The following FBXO27 variants were observed in gnomAD, a reference collection of about 807,000 sequenced individuals.
FBXO27 encodes F-box protein 27, also known as F-box only protein 27.
A neutral mutation model predicts 28.3 loss-of-function variants in FBXO27; 28 were observed. The observed-to-expected ratio is 0.99, with a 90% CI of 0.73 to 1.36. The LOEUF (loss-of-function observed/expected upper bound fraction) is 1.36. Among genes scored for constraint, FBXO27 ranks in the 40% most tolerant of loss-of-function variants. FBXO27 has a pLI of 0.00. For synonymous variants in FBXO27, 175 were observed against 167.3 expected (o/e 1.05, Z -0.36); for missense variants, 388 against 394.1 (o/e 0.98, Z 0.13).
chr19:39,010,193 A>G (rs1398482429), intron 2 of FBXO27, among the ~76,000 whole-genome samples: 2 of 151,980 alleles, frequency 1.3e-5, no homozygotes, highest in African/African-American at 4.8e-5. Context: ...CTAAAAATCA[A>G]TTACCAAATC....
chr19:39,028,215 A>G (rs2072883677), intron 4 of FBXO27, among the ~76,000 whole-genome samples: 1 of 151,744 alleles, frequency 6.6e-6, no homozygotes, highest in Non-Finnish European at 1.5e-5. Flanking sequence ...TGGGCGATAG[A>G]GGGAGACCCT....
At position 39,031,084 on chromosome 19, in the gene FBXO27, C is replaced by T. The variant is rs759531862; in HGVS notation, c.517G>A (p.Gly173Ser). 13 of 1,613,994 alleles carry T rather than the reference C, an allele frequency of 8.1e-6. No individual in the cohort carries two copies. The highest frequency in any genetic ancestry group is 1.1e-5 in the South Asian group (1 of 91,082). The change falls in exon 4 of 6, where the codon GGT (glycine) becomes AGT (serine). Residue 173 changes from glycine to serine, a missense_variant. By Grantham distance (56) the Gly-to-Ser change is moderately conservative. Coordinates refer to ENST00000292853, the MANE Select transcript of FBXO27 (RefSeq NM_178820.5). ...KKQVLDLEEE[G>S]LWPELLDSGR... ...CTATCCAGCAGTTCTGGCCACAGAC[C>T]CTCCTCCTCTAGGTCCAAGACCTGC...
At chr19:39,031,771 CTAGT>C in intron 2 of FBXO27, 89 bp downstream of exon 2, 2 of 1,389,712 alleles carry the variant, frequency 1.4e-6, no homozygotes, top group Non-Finnish European at 1.9e-6. Context: ...CCTGCGGCCC[CTAGT>C]ACCGGTCCCA....
chr19:39,031,363 C>T (rs1234110130), intron 2 of FBXO27, 43 bp from the exon 3 acceptor site: 3 of 1,592,078 alleles, frequency 1.9e-6, no homozygotes, highest in Non-Finnish European at 2.6e-6. Context: ...CAGTCGCCCG[C>T]CTGTTGGTTC....
At chr19:39,016,778 G>A (rs974316481) in intron 1 of FBXO27, among the ~76,000 whole-genome samples, 2 of 148,718 alleles carry the variant, frequency 1.3e-5, no homozygotes, top group Non-Finnish European at 3.0e-5. Flanking sequence ...GAGTGAGAAC[G>A]TCTCAAAAAA....
In FBXO27 at chr19:39,031,993, C is replaced by A; in HGVS notation, c.235G>T (p.Gly79Cys). The A allele has an allele frequency of 6.6e-7, 1 of 1,516,476 alleles. No individual in the cohort carries two copies. The highest frequency in any genetic ancestry group is 2.2e-5 in the Admixed American group (1 of 45,066). 93.9% of individuals were successfully genotyped at this position (1,516,476 alleles called of 1,614,324 possible). A position where few individuals can be genotyped will look rare whatever the true frequency, so the allele number is the denominator to read the frequency against. ...LILARDHGAT[G>C]RALLHLARSC... ...CGGGCGAGGTGCAGCAGCGCGCGGCCGGTGGCGCCGTGGTCGCGGGCCAGG... is the reference window on the plus strand; with the variant it reads ...CGGGCGAGGTGCAGCAGCGCGCGGCAGGTGGCGCCGTGGTCGCGGGCCAGG... Residue 79 changes from glycine (G) to cysteine (C), a missense_variant, in exon 2 of 6, where the codon GGC becomes TGC. Physicochemically the swap from Gly to Cys is radical, Grantham distance 159 (BLOSUM62 -3). Coordinates refer to ENST00000292853, the MANE Select transcript of FBXO27 (RefSeq NM_178820.5).
chr19:39,027,873 T>C (rs1405223006), intron 4 of FBXO27, among the ~76,000 whole-genome samples: 1 of 152,110 alleles, frequency 6.6e-6, no homozygotes, highest in African/African-American at 2.4e-5. Flanking sequence ...TGTTGTGACA[T>C]ATCATGTCAG....
chr19:39,011,815 T>C (rs1295383381), intron 2 of FBXO27, among the ~76,000 whole-genome samples: 6 of 140,608 alleles, frequency 4.3e-5, no homozygotes, highest in Non-Finnish European at 9.1e-5. Context: ...TGCTGAGCCC[T>C]GATTTTCTTT....
chr19:39,009,248 C>T (rs1244072048), intron 2 of FBXO27, among the ~76,000 whole-genome samples: 1 of 152,160 alleles, frequency 6.6e-6, no homozygotes, highest in Non-Finnish European at 1.5e-5. Flanking sequence ...TAGTTATGAA[C>T]ATTTGTGTAT....
At chr19:39,028,950 G>C (rs2072887540) in intron 4 of FBXO27, among the ~76,000 whole-genome samples, 1 of 151,610 alleles carries the variant, frequency 6.6e-6, no homozygotes. Context: ...GCTGAGGTGG[G>C]AGGATTTTTT....
In FBXO27 at chr19:39,025,340, G is replaced by A. The variant is rs946482924; in HGVS notation, c.*71C>T. 1 of 1,537,596 alleles carries A rather than the reference G, an allele frequency of 6.5e-7. No homozygotes were observed. Among genetic ancestry groups the A allele is most frequent in the Non-Finnish European group, 8.8e-7 (1 of 1,136,914 alleles). ...GTACAAGTGCTTGGTTGGTTAATGAGGGGTCCCAGCCAATGGTCCCAGGCC... is the reference window on the plus strand; with the variant it reads ...GTACAAGTGCTTGGTTGGTTAATGAAGGGTCCCAGCCAATGGTCCCAGGCC... On this transcript the variant is annotated 3_prime_UTR_variant, in exon 6 of 6. Transcript: ENST00000292853.
At chr19:39,009,296 G>T (rs962792507) in intron 2 of FBXO27, among the ~76,000 whole-genome samples, 3 of 152,108 alleles carry the variant, frequency 2.0e-5, no homozygotes, top group Non-Finnish European at 4.4e-5. Context: ...ATCCTCTTGG[G>T]TATATATGTA....
Position 39,031,862 on chromosome 19 carries a change from A to C in FBXO27, c.364+2T>G. The C allele has an allele frequency of 1.4e-6, 2 of 1,474,604 alleles. No individual in the cohort carries two copies. The highest frequency in any genetic ancestry group is 2.5e-5 in the Admixed American group (1 of 40,306). The allele number at this position is 1,474,604 out of a possible 1,614,324, so 91.3% of individuals were successfully genotyped here. The stretch of plus-strand genomic sequence containing the variant: ...CCTGGACTTCCTCTTCCGAGATCCC[A>C]CCTTGGCCGCAGGGGTTGCGAATAA... On this transcript the variant is annotated splice_donor_variant, in intron 2 of 5. Transcript: ENST00000292853. LOFTEE classifies it high-confidence loss of function.
intron 2 of FBXO27, among the ~76,000 whole-genome samples, chr19:39,007,716 C>T (rs527779430): frequency 9.9e-5 from 15 of 152,260 alleles, no homozygotes; most frequent in South Asian, 8.3e-4. Flanking sequence ...GATCTCAGCT[C>T]ACTGCAACCT....
At chr19:39,023,636 C>T (rs1010419859), downstream of FBXO27, among the ~76,000 whole-genome samples, 7 of 150,852 alleles carry the variant, frequency 4.6e-5, no homozygotes, top group African/African-American at 1.5e-4. Context: ...TAATTTGAGA[C>T]GGAGTCTCGC....
Position 39,007,080 on chromosome 19 carries a change from A to AAAC in FBXO27, c.252+7306_252+7307insGTT, listed in dbSNP as rs60009845. On this transcript the variant is annotated intron_variant, in intron 2 of 2. Transcript: ENST00000598394. ...TCCAAAAAAAAAAAAAAAAAAAAATACAGAAAAGTACAATCCCAGAGGGCA... is the reference window on the plus strand; with the variant it reads ...TCCAAAAAAAAAAAAAAAAAAAAATAAACCAGAAAAGTACAATCCCAGAGGGCA... 4.9e-4 allele frequency among the ~76,000 whole-genome samples: 68 copies of AAAC among 138,600 alleles called. 1 individual carries two copies. Among genetic ancestry groups the AAAC allele is most frequent in the African/African-American group, 1.7e-3 (57 of 33,084 alleles). 90.9% of individuals were successfully genotyped at this position (138,600 alleles called of 152,430 possible). A position where few individuals can be genotyped will look rare whatever the true frequency, so the allele number is the denominator to read the frequency against.
rs199923366 is a variant in FBXO27, at chr19:39,026,898, G to A, written c.680C>T (p.Pro227Leu). The A allele has an allele frequency of 9.3e-6, 15 of 1,614,056 alleles. 1 individual carries two copies. Among genetic ancestry groups the A allele is most frequent in the East Asian group, 6.7e-5 (3 of 44,904 alleles). Residue 227 changes from proline (P) to leucine (L), a missense_variant, in exon 5 of 6, where the codon CCG becomes CTG. By Grantham distance (98) the Pro-to-Leu change is moderately conservative (BLOSUM62 -3). Transcript: ENST00000292853. ...DKFSAVPDPI[P>L]QWNNNACLHV... ...AAGGCAGGCATTGTTGTTCCACTGC[G>A]GGATGGGATCAGGCACAGCAGAGAA...
intron 2 of FBXO27, among the ~76,000 whole-genome samples, chr19:39,008,694 C>T (rs1206574120): frequency 1.3e-5 from 2 of 152,168 alleles, no homozygotes; most frequent in Non-Finnish European, 2.9e-5. Flanking sequence ...AATCTATTTC[C>T]TGTCTCCACA....
At chr19:39,019,797 G>C (rs181631778), downstream of FBXO27, among the ~76,000 whole-genome samples, 2 of 152,182 alleles carry the variant, frequency 1.3e-5, no homozygotes, top group East Asian at 3.9e-4. Context: ...TGTTGCCCAG[G>C]CTGGAGTGCA....
Sources: gnomAD v4.1 joint callset for allele counts (sites outside exome capture counted in the v4.1 genomes callset) on GRCh38, gnomAD v4.1.1 for gene constraint, MANE v1.5 for transcripts, NCBI Gene and HGNC (gene_info 2026-07-23, HGNC 2026-07-21) for gene names.